The following SORCS2 variants were observed in gnomAD, a reference collection of about 807,000 sequenced individuals.
The protein encoded by SORCS2 is VPS10 domain-containing receptor SorCS2.
A neutral mutation model predicts 141.6 loss-of-function variants in SORCS2; 100 were observed. The ratio of observed to expected loss-of-function variants is 0.71; its 90% CI spans 0.60 to 0.83. SORCS2 has a LOEUF of 0.83. Ranked by LOEUF, SORCS2 falls within the 40% of genes least tolerant of loss-of-function variation. SORCS2 has a pLI of 0.00. For synonymous variants in SORCS2, 789 were observed against 676.9 expected, an observed-to-expected ratio of 1.17 and a Z score of -2.57; for missense variants, 1,646 against 1,560.2, an observed-to-expected ratio of 1.05 and a Z score of -0.93.
chr4:7,338,412 T>TTGGATGGAAGGA (rs1259493927), intron 1 of SORCS2, among the ~76,000 whole-genome samples: 1 of 72,318 alleles, frequency 1.4e-5, no homozygotes, highest in Non-Finnish European at 2.8e-5. Flanking sequence ...TGGATGTCGG[T>TTGGATGGAAGGA]TGGATGGAAG....
At chr4:7,202,545 C>T (rs1727535525) in intron 1 of SORCS2, among the ~76,000 whole-genome samples, 1 of 152,174 alleles carries the variant, frequency 6.6e-6, no homozygotes, top group Admixed American at 6.5e-5. Flanking sequence ...AATTTTCTTG[C>T]AAAAGCAGAT....
chr4:7,262,159 C>A (rs1329400280), intron 1 of SORCS2, among the ~76,000 whole-genome samples: 1 of 148,144 alleles, frequency 6.8e-6, no homozygotes, highest in Non-Finnish European at 1.5e-5. Context: ...TCTACCCATC[C>A]ATTCTCCCAC....
chr4:7,504,820 G>A (rs1040096873), intron 2 of SORCS2, among the ~76,000 whole-genome samples: 2 of 152,198 alleles, frequency 1.3e-5, no homozygotes, highest in African/African-American at 4.8e-5. Context: ...ACAATTTAGT[G>A]CCTTCCTGCT....
intron 9 of SORCS2, among the ~76,000 whole-genome samples, chr4:7,680,442 A>G (rs1045859543): frequency 2.2e-4 from 34 of 152,178 alleles, no homozygotes; most frequent in African/African-American, 7.5e-4. Context: ...AAGAAGCTGG[A>G]CTCTGGGCCA....
At chr4:7,631,005 C>G (rs182899264) in intron 3 of SORCS2, among the ~76,000 whole-genome samples, 7 of 150,536 alleles carry the variant, frequency 4.7e-5, no homozygotes, top group African/African-American at 1.7e-4. Flanking sequence ...AGAGCTCTAG[C>G]GAGGCGAGAA....
chr4:7,273,307 C>T (rs2108845774), intron 1 of SORCS2, among the ~76,000 whole-genome samples: 1 of 152,232 alleles, frequency 6.6e-6, no homozygotes, highest in African/African-American at 2.4e-5. Flanking sequence ...AAAATCTAGC[C>T]CTCTTTCCCT....
At chr4:7,347,115 C>T (rs188858549) in intron 1 of SORCS2, among the ~76,000 whole-genome samples, 305 of 152,270 alleles carry the variant, frequency 2.0e-3, no homozygotes, top group Non-Finnish European at 3.4e-3. Flanking sequence ...GGTATCATAT[C>T]AGGATTTCTG....
rs183982378 is a variant in SORCS2, at chr4:7,366,355, G to T, written c.481-29933G>T. 9.1e-3 allele frequency among the ~76,000 whole-genome samples: 1,390 copies of T among 152,028 alleles called. 9 individuals are homozygous for T. Among genetic ancestry groups the T allele is most frequent in the Non-Finnish European group, 0.014 (963 of 67,950 alleles). ...TGCGTGGTGGCTGGAGCTGCAGCAG[G>T]GTCGAGTTCCCTGCTCCCGGGCAGC... On this transcript the variant is annotated intron_variant, in intron 1 of 26. Transcript: ENST00000507866.
chr4:7,636,055 C>T (rs893048950), intron 3 of SORCS2, among the ~76,000 whole-genome samples: 4 of 152,236 alleles, frequency 2.6e-5, no homozygotes, highest in African/African-American at 9.6e-5. Context: ...CCATAGTCGC[C>T]TCGTGCCATT....
intron 2 of SORCS2, among the ~76,000 whole-genome samples, chr4:7,485,860 G>C (rs1016148869): frequency 2.0e-5 from 3 of 152,158 alleles, no homozygotes; most frequent in African/African-American, 4.8e-5. Flanking sequence ...AGAAAGGACT[G>C]AGTAGGGAGG....
At chr4:7,669,417 C>T (rs983460136) in intron 8 of SORCS2, among the ~76,000 whole-genome samples, 3 of 152,082 alleles carry the variant, frequency 2.0e-5, no homozygotes, top group African/African-American at 4.8e-5. Flanking sequence ...CAGAGCCCTA[C>T]GGGGTCTTCA....
intron 1 of SORCS2, among the ~76,000 whole-genome samples, chr4:7,276,499 C>G (rs1715511334): frequency 6.6e-6 from 1 of 152,186 alleles, no homozygotes; most frequent in African/African-American, 2.4e-5. Context: ...CTCCCTTGTC[C>G]TGATGTAGAG....
chr4:7,226,023 G>A (rs1002559414), intron 1 of SORCS2, among the ~76,000 whole-genome samples: 1 of 152,158 alleles, frequency 6.6e-6, no homozygotes, highest in Non-Finnish European at 1.5e-5. Context: ...AAAGCACTTG[G>A]GGCTGTGTTT....
chr4:7,483,664 G>C (rs989302982), intron 2 of SORCS2, among the ~76,000 whole-genome samples: 2 of 152,048 alleles, frequency 1.3e-5, no homozygotes, highest in Non-Finnish European at 2.9e-5. Flanking sequence ...GTCTTCCAAG[G>C]GGCTTACAAC....
intron 2 of SORCS2, among the ~76,000 whole-genome samples, chr4:7,527,546 C>T (rs59998189): frequency 0.029 from 4,444 of 152,254 alleles, 210 homozygotes; most frequent in African/African-American, 0.1. Flanking sequence ...TCTGGAGCTT[C>T]CAGGAGGTGC....
chr4:7,527,216 T>C (rs760895699), intron 2 of SORCS2, among the ~76,000 whole-genome samples: 44 of 152,352 alleles, frequency 2.9e-4, no homozygotes, highest in Middle Eastern at 3.4e-3. Flanking sequence ...TGCCCACTTG[T>C]GGTCGGCAGA....
chr4:7,373,476 A>ATG (rs1422390326), intron 1 of SORCS2, among the ~76,000 whole-genome samples: 7 of 44,586 alleles, frequency 1.6e-4, no homozygotes, highest in African/African-American at 1.0e-3. Flanking sequence ...ATATATATAT[A>ATG]TATTTTTTTT....
chr4:7,570,438 G>A (rs1274806578), intron 3 of SORCS2, among the ~76,000 whole-genome samples: 1 of 152,252 alleles, frequency 6.6e-6, no homozygotes, highest in Non-Finnish European at 1.5e-5. Flanking sequence ...AGGGTTCGCT[G>A]GGTGCTCTGC....
chr4:7,703,461 G>A, intron 13 of SORCS2, 90 bp downstream of exon 13: 1 of 1,042,634 alleles, frequency 9.6e-7, no homozygotes. Context: ...TCCCCAGAAT[G>A]TCCTCCCCTC....
Sources: allele counts gnomAD v4.1 joint callset (sites outside exome capture counted in the v4.1 genomes callset), GRCh38; gene constraint gnomAD v4.1.1; transcripts MANE v1.5; gene names NCBI Gene and HGNC (gene_info 2026-07-23, HGNC 2026-07-21).